Variants in AFG2A observed in about 807,000 individuals in gnomAD.
AFG2A encodes ATPase family gene 2 protein homolog A.
At chr4:123,016,459 A>G in the AFG2A span, among the ~76,000 whole-genome samples, 2 of 150,062 alleles carry the variant, frequency 1.3e-5, no homozygotes, top group African/African-American at 4.9e-5. Context: ...GCGGCCGGGT[A>G]GAGGTGCTCC....
the AFG2A span, among the ~76,000 whole-genome samples, chr4:123,182,389 T>A: frequency 6.6e-6 from 1 of 152,164 alleles, no homozygotes; most frequent in Non-Finnish European, 1.5e-5. Flanking sequence ...ATACCTAGGT[T>A]TTAATTATAT....
At chr4:123,097,414 A>G in the AFG2A span, among the ~76,000 whole-genome samples, 5 of 151,800 alleles carry the variant, frequency 3.3e-5, no homozygotes, top group African/African-American at 1.2e-4. Context: ...AATGAATCAT[A>G]ATTCTTTACT....
chr4:123,016,388 T>C, the AFG2A span, among the ~76,000 whole-genome samples: 2 of 136,288 alleles, frequency 1.5e-5, no homozygotes, highest in Admixed American at 1.5e-4. Flanking sequence ...AGGCGGAGGG[T>C]CTCCTCACTT....
chr4:122,960,358 A>G, the AFG2A span, among the ~76,000 whole-genome samples: 1 of 152,234 alleles, frequency 6.6e-6, no homozygotes. Context: ...TAAGTTTCGT[A>G]AACTCTGTTG....
chr4:123,178,701 T>G, the AFG2A span, among the ~76,000 whole-genome samples: 1 of 152,188 alleles, frequency 6.6e-6, no homozygotes, highest in Non-Finnish European at 1.5e-5. Context: ...TTCTAAAAAT[T>G]GGGCTGTTTT....
At chr4:123,222,348 A>T in the AFG2A span, among the ~76,000 whole-genome samples, 2 of 152,124 alleles carry the variant, frequency 1.3e-5, no homozygotes, top group Non-Finnish European at 2.9e-5. Flanking sequence ...TTTCTTCTTG[A>T]CCTAAAAGGT....
At chr4:122,971,475 T>C in the AFG2A span, among the ~76,000 whole-genome samples, 1 of 152,228 alleles carries the variant, frequency 6.6e-6, no homozygotes, top group African/African-American at 2.4e-5. Flanking sequence ...TATCTATCAA[T>C]TATGTTATAG....
At chr4:123,242,818 C>T in the AFG2A span, among the ~76,000 whole-genome samples, 1 of 152,092 alleles carries the variant, frequency 6.6e-6, no homozygotes, top group South Asian at 2.1e-4. Context: ...AGGCAACCTA[C>T]AGAAGGGGAG....
the AFG2A span, among the ~76,000 whole-genome samples, chr4:122,960,072 A>G: frequency 6.6e-6 from 1 of 152,140 alleles, no homozygotes. Flanking sequence ...CCAAAGAGCT[A>G]ATGTTTTGTA....
At chr4:123,023,228 T>A in the AFG2A span, among the ~76,000 whole-genome samples, 1 of 151,716 alleles carries the variant, frequency 6.6e-6, no homozygotes, top group Non-Finnish European at 1.5e-5. Flanking sequence ...AAAAAAAGGG[T>A]TAAAACTCCT....
At chr4:122,998,461 C>G in the AFG2A span, among the ~76,000 whole-genome samples, 4 of 151,540 alleles carry the variant, frequency 2.6e-5, no homozygotes, top group South Asian at 2.1e-4. Context: ...TCCCTCCCCA[C>G]TCCCCCCACC....
At chr4:123,269,951 G>T in the AFG2A span, among the ~76,000 whole-genome samples, 1 of 152,102 alleles carries the variant, frequency 6.6e-6, no homozygotes, top group South Asian at 2.1e-4. Context: ...GGAGTGGCTG[G>T]GACTACATAT....
the AFG2A span, among the ~76,000 whole-genome samples, chr4:122,926,051 T>C: frequency 1.3e-5 from 2 of 152,206 alleles, no homozygotes; most frequent in African/African-American, 4.8e-5. Flanking sequence ...AAGGGAACTG[T>C]GTGGACAACT....
At chr4:123,107,413 C>A in the AFG2A span, among the ~76,000 whole-genome samples, 1 of 152,188 alleles carries the variant, frequency 6.6e-6, no homozygotes, top group Non-Finnish European at 1.5e-5. Flanking sequence ...GCTAGTAGTC[C>A]TGAAGTCTCT....
At chr4:123,066,250 A>G in the AFG2A span, among the ~76,000 whole-genome samples, 1 of 152,324 alleles carries the variant, frequency 6.6e-6, no homozygotes, top group East Asian at 1.9e-4. Flanking sequence ...GCATATCCAG[A>G]TTTGAGGTAA....
chr4:123,036,151 G>A, the AFG2A span, among the ~76,000 whole-genome samples: 1 of 152,150 alleles, frequency 6.6e-6, no homozygotes, highest in African/African-American at 2.4e-5. Context: ...AGTAAACAAA[G>A]ATATATTAGA....
At chr4:122,956,818 T>C in the AFG2A span, among the ~76,000 whole-genome samples, 2 of 152,198 alleles carry the variant, frequency 1.3e-5, no homozygotes, top group African/African-American at 4.8e-5. Flanking sequence ...TACTAGTGTA[T>C]GTTGTATTAT....
chr4:123,031,183 G>A, the AFG2A span, among the ~76,000 whole-genome samples: 25 of 152,092 alleles, frequency 1.6e-4, no homozygotes, highest in African/African-American at 5.8e-4. Flanking sequence ...ACAGAGTCTT[G>A]TTCTATCGCC....
At chr4:123,139,721 A>C in the AFG2A span, among the ~76,000 whole-genome samples, 1 of 152,068 alleles carries the variant, frequency 6.6e-6, no homozygotes, top group Non-Finnish European at 1.5e-5. Context: ...CTTATGTTGC[A>C]TTACATGCTT....
Sources: gnomAD v4.1 joint callset for allele counts (sites outside exome capture counted in the v4.1 genomes callset) on GRCh38, gnomAD v4.1.1 for gene constraint, MANE v1.5 for transcripts, NCBI Gene and HGNC (gene_info 2026-07-23, HGNC 2026-07-21) for gene names.